Variants in KLRG1 observed in about 807,000 individuals in gnomAD.
The protein encoded by KLRG1 is killer cell lectin like receptor G1.
A neutral mutation model predicts 21.8 loss-of-function variants in KLRG1; 16 were observed. The observed-to-expected ratio is 0.73, with a 90% CI of 0.50 to 1.11. KLRG1 has a LOEUF of 1.11. Ranked by LOEUF, KLRG1 falls within the 50% of genes most tolerant of loss-of-function variation. The probability of loss-of-function intolerance (pLI) is 0.00; values close to 1 mark genes in which losing one functional copy is unlikely to be tolerated. For missense variants in KLRG1, 173 were observed against 218.3 expected (o/e 0.79, Z 1.31); for synonymous variants, 69 against 75.9 (o/e 0.91, Z 0.47).
the KLRG1 span, among the ~76,000 whole-genome samples, chr12:9,138,053 T>C: frequency 1.3e-5 from 2 of 152,068 alleles, no homozygotes; most frequent in Non-Finnish European, 2.9e-5. Flanking sequence ...TTTGGTTCTA[T>C]ATTGAATAAA....
the KLRG1 span, among the ~76,000 whole-genome samples, chr12:9,195,249 TAAA>T: frequency 6.6e-6 from 1 of 152,078 alleles, no homozygotes; most frequent in Non-Finnish European, 1.5e-5. Context: ...TTTAAAATAA[TAAA>T]AATACATTAG....
the KLRG1 span, among the ~76,000 whole-genome samples, chr12:9,159,266 A>G: frequency 1.3e-5 from 2 of 152,156 alleles, no homozygotes; most frequent in Non-Finnish European, 2.9e-5. Flanking sequence ...AAAAAAATCA[A>G]CCTAAAAGTG....
intron 1 of KLRG1, among the ~76,000 whole-genome samples, chr12:8,957,361 A>G (rs1946312018): frequency 6.6e-6 from 1 of 152,212 alleles, no homozygotes; most frequent in Non-Finnish European, 1.5e-5. Flanking sequence ...TTAACGAAGC[A>G]CTTACCGTGG....
chr12:9,124,565 A>G, the KLRG1 span, among the ~76,000 whole-genome samples: 2 of 152,194 alleles, frequency 1.3e-5, no homozygotes, highest in Admixed American at 1.3e-4. Flanking sequence ...AGACCTGCCC[A>G]TTCCCAGTTG....
chr12:9,117,736 C>T, the KLRG1 span, among the ~76,000 whole-genome samples: 3 of 151,934 alleles, frequency 2.0e-5, no homozygotes, highest in Non-Finnish European at 1.5e-5. Flanking sequence ...AATGTGATCG[C>T]CCTGTGTAAT....
At chr12:9,006,958 G>C (rs746075540) in intron 3 of KLRG1, among the ~76,000 whole-genome samples, 1 of 152,192 alleles carries the variant, frequency 6.6e-6, no homozygotes, top group Non-Finnish European at 1.5e-5. Context: ...AAGGGATTTT[G>C]CAAACCTTAG....
the KLRG1 span, among the ~76,000 whole-genome samples, chr12:9,088,356 G>A: frequency 6.6e-6 from 1 of 151,834 alleles, no homozygotes; most frequent in African/African-American, 2.4e-5. Flanking sequence ...TTGATGATTA[G>A]CCCTTACACT....
chr12:9,017,264 CAAAAAAAAAAAAAAAA>C, the KLRG1 span, among the ~76,000 whole-genome samples: 2 of 53,130 alleles, frequency 3.8e-5, no homozygotes, highest in Non-Finnish European at 6.3e-5. Flanking sequence ...AACTCCATCT[CAAAAAAAAAAAAAAAA>C]AAAAAAAAAA....
At chr12:9,170,049 G>C in the KLRG1 span, 1 of 152,426 alleles carries the variant, frequency 6.6e-6, no homozygotes, top group Non-Finnish European at 1.5e-5. The surrounding 1 kb of genome is among the most constrained non-coding windows in gnomAD (Gnocchi z 4.6). Flanking sequence ...CAGCACTTAC[G>C]GAGTGGAATG....
At chr12:9,162,983 A>G in the KLRG1 span, among the ~76,000 whole-genome samples, 1 of 152,122 alleles carries the variant, frequency 6.6e-6, no homozygotes, top group South Asian at 2.1e-4. Flanking sequence ...CCATGTGTCT[A>G]TGTGTTTGCA....
intron 1 of KLRG1, among the ~76,000 whole-genome samples, chr12:8,961,956 C>T (rs1352398199): frequency 1.3e-5 from 2 of 152,028 alleles, no homozygotes; most frequent in African/African-American, 2.4e-5. Context: ...CATGGTGGTA[C>T]GCACCTGTAG....
chr12:8,998,581 C>G (rs1947208543), intron 3 of KLRG1, among the ~76,000 whole-genome samples: 1 of 151,080 alleles, frequency 6.6e-6, no homozygotes, highest in Admixed American at 6.6e-5. Flanking sequence ...CCCAGCTACT[C>G]GGGAGGCTGA....
the KLRG1 span, chr12:9,112,262 G>T: frequency 6.2e-7 from 1 of 1,611,046 alleles, no homozygotes; most frequent in South Asian, 1.1e-5. Context: ...TAGGCCTGTA[G>T]GCTGGTAAGA....
intron 2 of KLRG1, among the ~76,000 whole-genome samples, chr12:8,993,804 A>G (rs1238821932): frequency 1.3e-5 from 2 of 152,162 alleles, no homozygotes; most frequent in Non-Finnish European, 1.5e-5. Context: ...CTAGAGAACA[A>G]TTATCTAATA....
the KLRG1 span, chr12:9,052,943 T>A: frequency 2.5e-6 from 1 of 407,282 alleles, no homozygotes; most frequent in Non-Finnish European, 4.7e-6. Context: ...CTACATTTTT[T>A]TAATCTCCTT....
At chr12:9,024,815 A>G in the KLRG1 span, among the ~76,000 whole-genome samples, 1 of 152,212 alleles carries the variant, frequency 6.6e-6, no homozygotes, top group Non-Finnish European at 1.5e-5. Context: ...ACACTGGAAC[A>G]TCTACAATAC....
At chr12:9,185,669 A>T in the KLRG1 span, among the ~76,000 whole-genome samples, 1 of 127,966 alleles carries the variant, frequency 7.8e-6, no homozygotes, top group East Asian at 2.4e-4. Flanking sequence ...AAAAAAAAAA[A>T]ATGTTAAAGG....
At chr12:9,014,525 A>G (rs1947673569), downstream of KLRG1, among the ~76,000 whole-genome samples, 3 of 152,204 alleles carry the variant, frequency 2.0e-5, no homozygotes, top group South Asian at 2.1e-4. Flanking sequence ...TCCTTCAAAC[A>G]TGAGGGAGAA....
the KLRG1 span, among the ~76,000 whole-genome samples, chr12:9,213,794 C>A: frequency 1.1e-4 from 16 of 152,000 alleles, no homozygotes; most frequent in Non-Finnish European, 1.6e-4. Context: ...TCTCTTCATG[C>A]ATGATAGCGT....
Sources: gnomAD v4.1 joint callset for allele counts (sites outside exome capture counted in the v4.1 genomes callset) on GRCh38, gnomAD v4.1.1 for gene constraint, Gnocchi (gnomAD v3.1) non-coding constraint, MANE v1.5 for transcripts, NCBI Gene and HGNC (gene_info 2026-07-23, HGNC 2026-07-21) for gene names.